The following MLIP variants were observed in gnomAD, a reference collection of about 807,000 sequenced individuals.
MLIP encodes the protein muscular LMNA-interacting protein.
In MLIP, 79 loss-of-function variants were observed where a neutral mutation model predicts 84.8. The observed-to-expected ratio is 0.93, with a 90% CI of 0.78 to 1.12. The LOEUF is 1.12. Ranked by LOEUF, MLIP falls within the 50% of genes most tolerant of loss-of-function variation. MLIP has a pLI of 0.00. For missense variants in MLIP, 1,257 were observed against 1,160.6 expected, an observed-to-expected ratio of 1.08 and a Z score of -1.21; for synonymous variants, 504 against 463.0, an observed-to-expected ratio of 1.09 and a Z score of -1.14.
chr6:54,054,078 G>A (rs1400886688), intron 1 of MLIP, among the ~76,000 whole-genome samples: 1 of 152,180 alleles, frequency 6.6e-6, no homozygotes, highest in African/African-American at 2.4e-5. Flanking sequence ...GCTCAGGAAT[G>A]TGGCATATGT....
chr6:54,094,269 C>G (rs924906440), intron 1 of MLIP, among the ~76,000 whole-genome samples: 1 of 119,322 alleles, frequency 8.4e-6, no homozygotes, highest in Non-Finnish European at 1.9e-5. Context: ...GAATCTGAAA[C>G]TTGCTGTAAG....
intron 11 of MLIP, among the ~76,000 whole-genome samples, chr6:54,220,243 T>C (rs554885948): frequency 1.2e-4 from 18 of 152,326 alleles, no homozygotes; most frequent in African/African-American, 4.3e-4. Context: ...GAGTTTTAAC[T>C]AATAATTGCA....
At chr6:54,140,092 G>A (rs1423500614) in intron 4 of MLIP, among the ~76,000 whole-genome samples, 1 of 152,064 alleles carries the variant, frequency 6.6e-6, no homozygotes, top group African/African-American at 2.4e-5. Flanking sequence ...TATTTGTAGA[G>A]TATTTAAAAC....
chr6:54,184,292 T>G (rs532797357), intron 9 of MLIP, among the ~76,000 whole-genome samples: 1 of 152,278 alleles, frequency 6.6e-6, no homozygotes, highest in East Asian at 1.9e-4. Context: ...GGAAGGGACA[T>G]GACTACTGAA....
Position 54,093,329 on chromosome 6 carries a change from A to AATTCAATTCTATTCTATTCTATTCT in MLIP, c.64-28114_64-28113insAATTCTATTCTATTCTATTCTATTC, listed in dbSNP as rs377029001. The stretch of plus-strand genomic sequence containing the variant: ...GTGCTTATTAATATATTTTCGATTA[A>AATTCAATTCTATTCTATTCTATTCT]ATTCTATTCTATTCTATTCTATTCT... On this transcript the variant is annotated intron_variant, in intron 1 of 12. Transcript: ENST00000274897. Among the ~76,000 whole-genome samples the AATTCAATTCTATTCTATTCTATTCT allele has an allele frequency of 5.2e-5, 7 of 133,964 alleles. 1 individual carries two copies. The highest frequency in any genetic ancestry group is 1.7e-4 in the African/African-American group (6 of 35,398). The allele number at this position is 133,964 out of a possible 152,430, so 87.9% of individuals were successfully genotyped here. A position where few individuals can be genotyped will look rare whatever the true frequency, so the allele number is the denominator to read the frequency against.
At chr6:54,177,510 T>C (rs1776412274) in intron 9 of MLIP, among the ~76,000 whole-genome samples, 1 of 152,088 alleles carries the variant, frequency 6.6e-6, no homozygotes, top group African/African-American at 2.4e-5. Flanking sequence ...CTCACACCAG[T>C]CAGAATGGGA....
intron 1 of MLIP, chr6:54,019,124 T>C: frequency 6.8e-6 from 11 of 1,607,070 alleles, no homozygotes; most frequent in African/African-American, 1.3e-5. Context: ...CACAGATTTA[T>C]AATGAAATTG....
At chr6:54,033,226 G>T (rs1169719257) in intron 1 of MLIP, among the ~76,000 whole-genome samples, 3 of 151,866 alleles carry the variant, frequency 2.0e-5, no homozygotes, top group Admixed American at 6.6e-5. Context: ...ACGAATCTTG[G>T]AGGTAGTTGC....
intron 10 of MLIP, among the ~76,000 whole-genome samples, chr6:54,191,030 C>A (rs961173602): frequency 6.6e-6 from 1 of 151,830 alleles, no homozygotes. Context: ...CTCCTGACCT[C>A]GTGATCCACC....
intron 8 of MLIP, among the ~76,000 whole-genome samples, chr6:54,163,142 T>C (rs1194307067): frequency 6.6e-6 from 1 of 152,044 alleles, no homozygotes; most frequent in Non-Finnish European, 1.5e-5. Flanking sequence ...TTTATCAGCA[T>C]ATATAATCAT....
In MLIP at chr6:54,179,319, C is replaced by T. The variant is rs532545245; in HGVS notation, c.2544+9747C>T. On this transcript the variant is annotated intron_variant, in intron 9 of 13. Coordinates refer to ENST00000502396, the MANE Select transcript of MLIP (RefSeq NM_001281747.2). ...ATAGGCTAAGTGTGTTTCCTGTAGG[C>T]AACAGGTGATTGGGTTGTTTTTCAT... Among the ~76,000 whole-genome samples the T allele has an allele frequency of 7.2e-5, 11 of 152,188 alleles. No individual in the cohort carries two copies. The East Asian group carries it at 1.9e-3, about 27-fold the overall frequency.
chr6:54,088,619 G>A (rs190441943), intron 1 of MLIP, among the ~76,000 whole-genome samples: 13 of 152,214 alleles, frequency 8.5e-5, no homozygotes, highest in Non-Finnish European at 1.8e-4. Context: ...TTTCTATGAA[G>A]CTCAAAAAGC....
intron 11 of MLIP, among the ~76,000 whole-genome samples, chr6:54,208,020 C>T (rs1352253639): frequency 6.6e-6 from 1 of 151,916 alleles, no homozygotes; most frequent in Non-Finnish European, 1.5e-5. Flanking sequence ...CCCAGCTACT[C>T]GGGAGGCTGA....
chr6:54,262,564 T>G (rs1006144200), intron 13 of MLIP, among the ~76,000 whole-genome samples: 26 of 152,030 alleles, frequency 1.7e-4, no homozygotes, highest in African/African-American at 6.3e-4. Context: ...TTCATAACTT[T>G]GAGCCAGGCT....
At chr6:54,048,757 G>A (rs1765215425) in intron 1 of MLIP, among the ~76,000 whole-genome samples, 2 of 152,170 alleles carry the variant, frequency 1.3e-5, no homozygotes, top group Non-Finnish European at 2.9e-5. Flanking sequence ...GTGGGTAGGA[G>A]GCTGGGAATG....
chr6:54,251,884 AT>A (rs1379369483), intron 12 of MLIP, among the ~76,000 whole-genome samples: 5 of 81,232 alleles, frequency 6.2e-5, no homozygotes, highest in African/African-American at 4.0e-4. Flanking sequence ...CATATAATAT[AT>A]AATATAAATA....
chr6:54,045,391 G>T (rs1764987727), intron 1 of MLIP: 1 of 151,954 alleles, frequency 6.6e-6, no homozygotes, highest in Non-Finnish European at 1.5e-5. Flanking sequence ...CACCATGCAT[G>T]ATCAAATTTT....
intron 12 of MLIP, among the ~76,000 whole-genome samples, chr6:54,252,919 A>T (rs1047400911): frequency 2.0e-5 from 3 of 152,112 alleles, no homozygotes; most frequent in African/African-American, 7.2e-5. Flanking sequence ...CATACAAAGG[A>T]TGTCTTTTAG....
rs76431456 is a variant in MLIP, at chr6:54,102,534, C to T, written c.64-18913C>T. ...CATCCAAAGCTCTGGCATTCAGATT[C>T]GGTTGTTATTTTTATATGTGGTATA... On this transcript the variant is annotated intron_variant, in intron 1 of 12. Coordinates refer to the MLIP transcript ENST00000274897. Among the ~76,000 whole-genome samples the T allele has an allele frequency of 8.6e-3, 1,315 of 152,160 alleles. 30 individuals are homozygous for T. Among genetic ancestry groups the T allele is most frequent in the African/African-American group, 0.03 (1,251 of 41,514 alleles).
Sources: gnomAD v4.1 joint callset for allele counts (sites outside exome capture counted in the v4.1 genomes callset) on GRCh38, gnomAD v4.1.1 for gene constraint, MANE v1.5 for transcripts, NCBI Gene and HGNC (gene_info 2026-07-23, HGNC 2026-07-21) for gene names.